Variants in ATG12 observed in about 807,000 individuals in gnomAD.
ATG12 encodes autophagy related 12.
A neutral mutation model predicts 17.6 loss-of-function variants in ATG12; 19 were observed. The ratio of observed to expected loss-of-function variants is 1.08; its 90% CI spans 0.75 to 1.58. The LOEUF (loss-of-function observed/expected upper bound fraction) is 1.58. ATG12 is among the 40% of genes most tolerant of loss of function. ATG12 has a pLI of 0.00. For missense variants in ATG12, 214 were observed against 162.0 expected, an observed-to-expected ratio of 1.32 and a Z score of -1.74; for synonymous variants, 75 against 62.4, an observed-to-expected ratio of 1.20 and a Z score of -0.95.
intron 1 of ATG12, 150 bp downstream of exon 1, chr5:115,841,239 TC>T: frequency 9.3e-7 from 1 of 1,076,746 alleles, no homozygotes; most frequent in Non-Finnish European, 1.3e-6. Flanking sequence ...GCCTTAAAAA[TC>T]AAAAAGTACA....
At chr5:115,835,977 C>T (rs894612766) in intron 2 of ATG12, among the ~76,000 whole-genome samples, 13 of 152,062 alleles carry the variant, frequency 8.5e-5, no homozygotes, top group South Asian at 2.1e-4. Context: ...GAGAGATTCA[C>T]GTGTACCTTC....
chr5:115,834,101 T>C (rs1442484896), intron 2 of ATG12: 1 of 152,074 alleles, frequency 6.6e-6, no homozygotes, highest in Non-Finnish European at 1.5e-5. Context: ...AGTGATGGCT[T>C]TGTGGGAAAT....
rs1760870078 is a variant in ATG12 at position 115,831,552 on chromosome 5, A to G, written c.*252T>C. ...CAACCTTGGAGGCAGATCTGCAGCA[A>G]TAATAGTAACAAGTAGGAGCAATGG... On this transcript the variant is annotated 3_prime_UTR_variant, in exon 4 of 4. Coordinates refer to ENST00000509910, the MANE Select transcript of ATG12 (RefSeq NM_004707.4). 1.8e-5 allele frequency: 10 copies of G among 547,282 alleles called. No homozygotes were observed. The South Asian group carries it at 2.3e-4, about 13-fold the overall frequency. The allele number at this position is 547,282 out of a possible 1,614,324, so 33.9% of individuals were successfully genotyped here.
intron 2 of ATG12, among the ~76,000 whole-genome samples, chr5:115,837,306 C>T (rs1251726136): frequency 6.6e-6 from 1 of 152,020 alleles, no homozygotes; most frequent in African/African-American, 2.4e-5. Flanking sequence ...TCTGAGGCGG[C>T]CCCGTCTCTA....
chr5:115,841,192 G>A, intron 1 of ATG12, 198 bp downstream of exon 1: 2 of 635,690 alleles, frequency 3.1e-6, no homozygotes, highest in Admixed American at 6.3e-5. Context: ...GCCCTACACC[G>A]ATAGACAGAG....
rs1468819201 is a variant in ATG12, at chr5:115,830,335, A to G, written c.*1469T>C. The G allele has an allele frequency of 6.6e-6, 1 of 152,090 alleles. No homozygotes were observed. The highest frequency in any genetic ancestry group is 2.4e-5 in the African/African-American group (1 of 41,418). The allele number at this position is 152,090 out of a possible 1,614,324, so 9.4% of individuals were successfully genotyped here. The stretch of plus-strand genomic sequence containing the variant: ...CTATCATCTGAACCCTCAGTGGCAA[A>G]CAATACGAAAATTCAACATATTTTT... On this transcript the variant is annotated 3_prime_UTR_variant, in exon 4 of 4. Coordinates refer to ENST00000509910, the MANE Select transcript of ATG12 (RefSeq NM_004707.4).
chr5:115,840,367 C>A, intron 1 of ATG12: 1 of 185,078 alleles, frequency 5.4e-6, no homozygotes, highest in South Asian at 6.9e-5. Context: ...GCGAGACCTC[C>A]GCCCACTGCC....
rs890101541 is a variant in ATG12, at chr5:115,828,808, T to A, written c.*2996A>T. 2 of 152,198 alleles carry A rather than the reference T, an allele frequency of 1.3e-5. No homozygotes were observed. Among genetic ancestry groups the A allele is most frequent in the African/African-American group, 4.8e-5 (2 of 41,464 alleles). 9.4% of individuals were successfully genotyped at this position (152,198 alleles called of 1,614,324 possible). On this transcript the variant is annotated 3_prime_UTR_variant, in exon 4 of 4. Transcript: ENST00000509910. ...TGTGGGTACCAGATAAAAACCAGAA[T>A]AACTGGACACATGGCTCTGAGGCAG...
intron 1 of ATG12, chr5:115,838,428 C>T (rs1229129615): frequency 1.3e-5 from 2 of 152,252 alleles, no homozygotes; most frequent in Non-Finnish European, 2.9e-5. Context: ...GGCTCTGCCA[C>T]TTGCTGGGTA....
chr5:115,833,126 CACTT>C (rs1760956564), intron 2 of ATG12: 1 of 152,342 alleles, frequency 6.6e-6, no homozygotes, highest in Admixed American at 6.6e-5. Context: ...TTAATAAAGT[CACTT>C]ACAGGCAAAT....
At position 115,828,212 on chromosome 5, in the gene ATG12, G is replaced by A. The variant is rs1055020845; in HGVS notation, c.*3592C>T. 1 of 152,120 alleles carries A rather than the reference G, an allele frequency of 6.6e-6. No individual in the cohort carries two copies. The highest frequency in any genetic ancestry group is 6.5e-5 in the Admixed American group (1 of 15,274). 9.4% of individuals were successfully genotyped at this position (152,120 alleles called of 1,614,324 possible). ...AACAGGGACTTTATTAGTCTCTTAT[G>A]AGCTTTATTAGTGTTATTCCAATAT... On this transcript the variant is annotated 3_prime_UTR_variant, in exon 4 of 4. Coordinates refer to ENST00000509910, the MANE Select transcript of ATG12 (RefSeq NM_004707.4).
At position 115,831,867 on chromosome 5, in the gene ATG12, C is replaced by CAA. The variant is rs368266571; in HGVS notation, c.364-6_364-5dup. 45 of 1,264,158 alleles carry CAA rather than the reference C, an allele frequency of 3.6e-5. No homozygotes were observed. Among genetic ancestry groups the CAA allele is most frequent in the African/African-American group, 8.2e-5 (5 of 61,268 alleles). 78.3% of individuals were successfully genotyped at this position (1,264,158 alleles called of 1,614,324 possible). Reference sequence around the variant, plus strand: ...GTTTACCATCACTGCCAAAACACTACAAAAAAAAAAGGCAATAAATCAAAC... The same window carrying CAA: ...GTTTACCATCACTGCCAAAACACTACAAAAAAAAAAAAGGCAATAAATCAAAC... On this transcript the variant is annotated splice_region_variant and splice_polypyrimidine_tract_variant and intron_variant, in intron 3 of 3. Transcript: ENST00000509910.
rs1761158110 is a variant in ATG12 at position 115,837,559 on chromosome 5, C to T, written c.300+69G>A. 2.0e-6 allele frequency: 3 copies of T among 1,515,678 alleles called. No individual in the cohort carries two copies. The East Asian group carries it at 6.8e-5, about 34-fold the overall frequency. 93.9% of individuals were successfully genotyped at this position (1,515,678 alleles called of 1,614,324 possible). On this transcript the variant is annotated intron_variant, in intron 2 of 3. Coordinates refer to ENST00000509910, the MANE Select transcript of ATG12 (RefSeq NM_004707.4). Reference sequence around the variant, plus strand: ...GCTCCATATGCATTTCTATAAACAACAGTTAATTCACTGTTGCCTAGGAAC... The same window carrying T: ...GCTCCATATGCATTTCTATAAACAATAGTTAATTCACTGTTGCCTAGGAAC...
intron 1 of ATG12, chr5:115,840,588 G>A: frequency 7.8e-7 from 1 of 1,278,654 alleles, no homozygotes; most frequent in South Asian, 1.3e-5. Flanking sequence ...GTGAGCCACC[G>A]CGCCCGGCCA....
chr5:115,830,318 T>C lies in ATG12; in HGVS notation c.*1486A>G, dbSNP rs929317535. 1.3e-5 allele frequency: 2 copies of C among 152,122 alleles called. No homozygotes were observed. The highest frequency in any genetic ancestry group is 2.9e-5 in the Non-Finnish European group (2 of 68,016). 9.4% of individuals were successfully genotyped at this position (152,122 alleles called of 1,614,324 possible). A position where few individuals can be genotyped will look rare whatever the true frequency, so the allele number is the denominator to read the frequency against. ...TTTCGATTTTTTGAGGTCTATCATC[T>C]GAACCCTCAGTGGCAAACAATACGA... On this transcript the variant is annotated 3_prime_UTR_variant, in exon 4 of 4. Coordinates refer to ENST00000509910, the MANE Select transcript of ATG12 (RefSeq NM_004707.4).
At position 115,829,533 on chromosome 5, in the gene ATG12, A is replaced by C. The variant is rs1760777370; in HGVS notation, c.*2271T>G. 6.6e-6 allele frequency: 1 copy of C among 152,234 alleles called. No homozygotes were observed. Among genetic ancestry groups the C allele is most frequent in the South Asian group, 2.1e-4 (1 of 4,832 alleles). 9.4% of individuals were successfully genotyped at this position (152,234 alleles called of 1,614,324 possible). On this transcript the variant is annotated 3_prime_UTR_variant, in exon 4 of 4. Transcript: ENST00000509910. The stretch of plus-strand genomic sequence containing the variant: ...GAAGTACAATATTGCAATATTATAC[A>C]TATACTTTGTGTGCCATGGGTCATC...
rs904639367 is a variant in ATG12 at position 115,829,663 on chromosome 5, C to T, written c.*2141G>A. On this transcript the variant is annotated 3_prime_UTR_variant, in exon 4 of 4. Transcript: ENST00000509910. The stretch of plus-strand genomic sequence containing the variant: ...AGTTTTTCCCCCAAGTTTAATCAGA[C>T]TTGAGAGTTTAAATTAAAAATAAAT... 5.9e-5 allele frequency: 9 copies of T among 152,110 alleles called. No homozygotes were observed. Among genetic ancestry groups the T allele is most frequent in the East Asian group, 1.9e-4 (1 of 5,194 alleles). 9.4% of individuals were successfully genotyped at this position (152,110 alleles called of 1,614,324 possible).
chr5:115,836,667 T>C (rs1761116182), intron 2 of ATG12, among the ~76,000 whole-genome samples: 1 of 152,198 alleles, frequency 6.6e-6, no homozygotes, highest in South Asian at 2.1e-4. Context: ...AATTCCTGAT[T>C]TTATTTAAAA....
At chr5:115,836,391 A>G (rs1761101361) in intron 2 of ATG12, among the ~76,000 whole-genome samples, 1 of 152,126 alleles carries the variant, frequency 6.6e-6, no homozygotes, top group African/African-American at 2.4e-5. Context: ...CAGTACTCTT[A>G]TTTTACCAAC....
Sources: allele counts gnomAD v4.1 joint callset (sites outside exome capture counted in the v4.1 genomes callset), GRCh38; gene constraint gnomAD v4.1.1; transcripts MANE v1.5; gene names NCBI Gene and HGNC (gene_info 2026-07-23, HGNC 2026-07-21).